TTN: variants seen among roughly 807,000 people sequenced by gnomAD.
The protein encoded by TTN is connectin.
A neutral mutation model predicts 3,223.0 loss-of-function variants in TTN; 1,525 were observed. That is an observed-to-expected ratio of 0.47 (90% CI 0.45 to 0.49). The LOEUF (loss-of-function observed/expected upper bound fraction) is 0.49. Among genes scored for constraint, TTN ranks in the 20% least tolerant of loss-of-function variants. The probability of loss-of-function intolerance (pLI) is 0.00; values close to 1 mark genes in which losing one functional copy is unlikely to be tolerated. For synonymous variants in TTN, 14,094 were observed against 15,161.0 expected (o/e 0.93, Z 5.17); for missense variants, 40,786 against 43,424.0 (o/e 0.94, Z 5.40).
At chr2:178,747,920 G>C in intron 47 of TTN, 1 of 1,613,140 alleles carries the variant, frequency 6.2e-7, no homozygotes, top group Non-Finnish European at 8.5e-7. Flanking sequence ...CTGACTCAGG[G>C]AGAGCTGTCT....
At position 178,723,702 on chromosome 2, in the gene TTN, TAG is replaced by T. The variant is rs2078837648; in HGVS notation, c.21404-8_21404-7del. 6.4e-7 allele frequency: 1 copy of T among 1,557,164 alleles called. No homozygotes were observed. Among genetic ancestry groups the T allele is most frequent in the Non-Finnish European group, 8.6e-7 (1 of 1,156,902 alleles). On this transcript the variant is annotated splice_region_variant and splice_polypyrimidine_tract_variant and intron_variant, in intron 73 of 362. Transcript: ENST00000589042. ...TTTCACAAAAGAGGGTGGTTCTATA[TAG>T]ACATGGAGAACAATTAAAAGATCCT... is the stretch of plus-strand genomic sequence containing the variant.
chr2:178,645,899 T>G, intron 217 of TTN, 21 bp downstream of exon 217: 2 of 1,478,984 alleles, frequency 1.4e-6, no homozygotes, highest in Non-Finnish European at 1.8e-6. Context: ...CTAATAAAAC[T>G]TTGGAAGTGG....
chr2:178,550,588 G>A (rs551083219), intron 336 of TTN: 69 of 407,782 alleles, frequency 1.7e-4, no homozygotes, highest in African/African-American at 1.3e-3. Flanking sequence ...TCTTTTAAGA[G>A]GCCATCAGCT....
In TTN at chr2:178,733,063, A is replaced by G. The variant is rs143845692; in HGVS notation, c.16113T>C (p.Asn5371=). Residue 5371 remains asparagine, a synonymous_variant, in exon 55 of 363, where the codon AAT becomes AAC. Transcript: ENST00000589042. ...TTTTGCAGTCCAGTCTGCAGGTACC[A>G]TTAACAACACTATCCACGTTGCGCA... ...KPLRNVDSVV[N]GTCRLDCKIA... is the part of the protein sequence containing the mutation. 3.4e-4 allele frequency: 555 copies of G among 1,612,318 alleles called. 8 individuals are homozygous for G. The East Asian group carries it at 8.9e-3, about 26-fold the overall frequency.
At position 178,693,648 on chromosome 2, in the gene TTN, G is replaced by C; in HGVS notation, c.31555C>G (p.His10519Asp). 6.2e-7 allele frequency: 1 copy of C among 1,600,374 alleles called. No individual in the cohort carries two copies. Among genetic ancestry groups the C allele is most frequent in the East Asian group, 2.2e-5 (1 of 44,582 alleles). Residue 10519 changes from histidine to aspartate, a missense_variant, in exon 119 of 363, where the codon CAC becomes GAC. Transcript: ENST00000589042. ...TCAACCCTTTTGGAAATGGCAACGT[G>C]AATTTTCTCTTCAGTAACAATTTCC... ...QKEIVTEEKI[H>D]VAISKRVEPP...
In TTN at chr2:178,741,892, C is replaced by T. The variant is rs773793548; in HGVS notation, c.11341G>A (p.Glu3781Lys). The T allele has an allele frequency of 1.7e-5, 26 of 1,558,424 alleles. No homozygotes were observed. Among genetic ancestry groups the T allele is most frequent in the African/African-American group, 1.1e-4 (8 of 73,296 alleles). ...AGTTCGGCGCTATGAAGTCCTTCTTCCTCGGCAGACAGAAAAGAACTAGAA... is the reference window on the plus strand; with the variant it reads ...AGTTCGGCGCTATGAAGTCCTTCTTTCTCGGCAGACAGAAAAGAACTAGAA... ...EFSSSFLSAE[E>K]EGLHSAELQL... The change falls in exon 48 of 363, where the codon GAA (glutamate) becomes AAA (lysine). Residue 3781 changes from glutamate (E) to lysine (K), a missense_variant. Physicochemically the swap from Glu to Lys is moderately conservative, Grantham distance 56 (BLOSUM62 1). Transcript: ENST00000589042.
Position 178,610,201 on chromosome 2 carries a change from T to C in TTN, c.51325A>G (p.Lys17109Glu). Reference protein sequence around the residue: ...SGENKLSWTVKDLIPNGEYFF... With the variant: ...SGENKLSWTVEDLIPNGEYFF... ...TATTCACCATTTGGTATGAGATCCT[T>C]CACAGTCCATGACAGTTTGTTCTCA... is the stretch of plus-strand genomic sequence containing the variant. Residue 17109 changes from lysine to glutamate, a missense_variant, in exon 271 of 363, where the codon AAG becomes GAG. Physicochemically the swap from Lys to Glu is moderately conservative, Grantham distance 56. Transcript: ENST00000589042. 6.2e-7 allele frequency: 1 copy of C among 1,613,026 alleles called. No homozygotes were observed. Among genetic ancestry groups the C allele is most frequent in the Non-Finnish European group, 8.5e-7 (1 of 1,179,302 alleles).
chr2:178,747,270 C>T lies in TTN; in HGVS notation c.11312-5349G>A, dbSNP rs201766148. 3.0e-5 allele frequency: 49 copies of T among 1,613,050 alleles called. No homozygotes were observed. The highest frequency in any genetic ancestry group is 5.3e-5 in the African/African-American group (4 of 74,812). ...GAGTATCTTTCTCCTACCTCACCTT[C>T]GGAAGGTGTTGAATATCTTTCAGCA... On this transcript the variant is annotated intron_variant, in intron 47 of 362. Coordinates refer to ENST00000589042, the MANE Select transcript of TTN (RefSeq NM_001267550.2).
At chr2:178,690,155 A>G (rs1051648006) in intron 121 of TTN, among the ~76,000 whole-genome samples, 2 of 152,228 alleles carry the variant, frequency 1.3e-5, no homozygotes, top group African/African-American at 4.8e-5. Flanking sequence ...TCCTTTATAT[A>G]TTGTATGACC....
Position 178,769,581 on chromosome 2 carries a change from T to A in TTN, c.8902+98A>T, listed in dbSNP as rs11902324. 436 of 1,085,962 alleles carry A rather than the reference T, an allele frequency of 4.0e-4. 3 individuals are homozygous for A. The African/African-American group carries it at 6.3e-3, about 16-fold the overall frequency. 67.3% of individuals were successfully genotyped at this position (1,085,962 alleles called of 1,614,324 possible). On this transcript the variant is annotated intron_variant, in intron 37 of 362. Coordinates refer to ENST00000589042, the MANE Select transcript of TTN (RefSeq NM_001267550.2). ...GCCCACCCAATCAAGGATTTTTGAGTGGTCAGCAAAGTGTAGGATATAGAA... is the reference window on the plus strand; with the variant it reads ...GCCCACCCAATCAAGGATTTTTGAGAGGTCAGCAAAGTGTAGGATATAGAA...
In TTN at chr2:178,582,478, A is replaced by G. The variant is rs1483586965; in HGVS notation, c.65978T>C (p.Val21993Ala). The change falls in exon 314 of 363, where the codon GTT (valine) becomes GCT (alanine). Residue 21993 changes from valine to alanine, a missense_variant. Coordinates refer to ENST00000589042, the MANE Select transcript of TTN (RefSeq NM_001267550.2). ...DGGSEITNYI[V>A]DKRETSRPNW... ...GGGCCTGCTTGTTTCACGTTTGTCA[A>G]CAATATAGTTGGTGATTTCTGAGCC... 1 of 1,612,960 alleles carries G rather than the reference A, an allele frequency of 6.2e-7. No homozygotes were observed. The highest frequency in any genetic ancestry group is 8.5e-7 in the Non-Finnish European group (1 of 1,179,334).
chr2:178,719,884 G>T, intron 81 of TTN, 52 bp from the exon 82 acceptor site: 1 of 1,560,042 alleles, frequency 6.4e-7, no homozygotes, highest in Non-Finnish European at 8.7e-7. Flanking sequence ...TCAAACTCAA[G>T]AGTGCAATCA....
intron 45 of TTN, 46 bp from the exon 46 acceptor site, chr2:178,756,843 A>G (rs1243417080): frequency 6.4e-7 from 1 of 1,556,834 alleles, no homozygotes; most frequent in Non-Finnish European, 8.8e-7. Flanking sequence ...TTAAGATCTA[A>G]GCTTTGTCAC....
In TTN at chr2:178,756,523, A is replaced by C; in HGVS notation, c.10953T>G (p.Cys3651Trp). ...IAESTELSKE[C>W]AKESTGEAPK... is the part of the protein sequence containing the mutation. ...GCGCCTCACCCGTGGACTCTTTAGC[A>C]CATTCCTTAGATAGCTCAGTGCTTT... Residue 3651 changes from cysteine to tryptophan, a missense_variant, in exon 46 of 363, where the codon TGT becomes TGG. Cys to Trp is a radical substitution (Grantham distance 215). Coordinates refer to ENST00000589042, the MANE Select transcript of TTN (RefSeq NM_001267550.2). The C allele has an allele frequency of 6.2e-7, 1 of 1,613,564 alleles. No homozygotes were observed. Among genetic ancestry groups the C allele is most frequent in the South Asian group, 1.1e-5 (1 of 91,062 alleles).
intron 242 of TTN, among the ~76,000 whole-genome samples, chr2:178,624,149 C>T (rs2058692155): frequency 6.6e-6 from 1 of 151,948 alleles, no homozygotes; most frequent in Admixed American, 6.6e-5. Flanking sequence ...AGTTTCTCCT[C>T]ATCCATATCA....
In TTN at chr2:178,532,157, C is replaced by T. The variant is rs766062367; in HGVS notation, c.104458G>A (p.Glu34820Lys). The T allele has an allele frequency of 2.0e-5, 32 of 1,613,608 alleles. No individual in the cohort carries two copies. The highest frequency in any genetic ancestry group is 4.5e-5 in the East Asian group (2 of 44,878). ...TEITEIEEEY[E>K]ISKHAQRESS... is the part of the protein sequence containing the mutation. Reference sequence around the variant, plus strand: ...TCTCTTTGAGCATGTTTTGAGATTTCGTATTCTTCCTCAATTTCTGTTATT... The same window carrying T: ...TCTCTTTGAGCATGTTTTGAGATTTTGTATTCTTCCTCAATTTCTGTTATT... Residue 34820 changes from glutamate (E) to lysine (K), a missense_variant, in exon 358 of 363, where the codon GAA becomes AAA. Glu to Lys is a moderately conservative substitution (Grantham distance 56). Transcript: ENST00000589042.
At position 178,573,738 on chromosome 2, in the gene TTN, C is replaced by T. The variant is rs727504188; in HGVS notation, c.72394G>A (p.Val24132Ile). The T allele has an allele frequency of 5.1e-6, 8 of 1,564,990 alleles. No individual in the cohort carries two copies. Among genetic ancestry groups the T allele is most frequent in the African/African-American group, 1.4e-5 (1 of 72,930 alleles). The part of the protein sequence containing the change: ...RPGPPEGPLA[V>I]TEVTSEKCVL... ...CACTTTTCTGATGTCACTTCAGTTA[C>T]AGCCAAAGGTCCTTCAGGTGGGCCT... Residue 24132 changes from valine to isoleucine, a missense_variant, in exon 326 of 363, where the codon GTA becomes ATA. Val to Ile is a conservative substitution (Grantham distance 29). Transcript: ENST00000589042.
Position 178,550,293 on chromosome 2 carries a change from A to G in TTN, c.91565-20T>C, listed in dbSNP as rs1315801641. 4.4e-6 allele frequency: 7 copies of G among 1,588,636 alleles called. No homozygotes were observed. The South Asian group carries it at 5.7e-5, about 13-fold the overall frequency. ...GTGGAACTATAAAAGAAAGAGAAAT[A>G]CTATGTATTAGTTTGGCTTAATAAA... On this transcript the variant is annotated intron_variant, in intron 336 of 362. Coordinates refer to ENST00000589042, the MANE Select transcript of TTN (RefSeq NM_001267550.2).
At chr2:178,751,915 T>C (rs2154331496) in intron 47 of TTN, 1 of 1,590,790 alleles carries the variant, frequency 6.3e-7, no homozygotes, top group East Asian at 2.2e-5. Context: ...GCCAGGAGCT[T>C]GTAGATGATA....
Sources: allele counts gnomAD v4.1 joint callset (sites outside exome capture counted in the v4.1 genomes callset), GRCh38; gene constraint gnomAD v4.1.1; transcripts MANE v1.5; gene names NCBI Gene and HGNC (gene_info 2026-07-23, HGNC 2026-07-21).